Variants in SUV39H2 observed in about 807,000 individuals in gnomAD.
SUV39H2 encodes SUV39H2 histone lysine methyltransferase.
A neutral mutation model predicts 47.5 loss-of-function variants in SUV39H2; 10 were observed. That is an observed-to-expected ratio of 0.21 (90% CI 0.13 to 0.36). The LOEUF is 0.36. SUV39H2 is among the 10% of genes least tolerant of loss of function. The pLI, the probability that SUV39H2 is intolerant of heterozygous loss-of-function variation, is 1.00. For missense variants in SUV39H2, 266 were observed against 487.4 expected, an observed-to-expected ratio of 0.55 and a Z score of 4.28; for synonymous variants, 159 against 166.8, an observed-to-expected ratio of 0.95 and a Z score of 0.36.
rs901903508 is a variant in SUV39H2, at chr10:14,897,545, G to T, written c.849+28G>T. 9 of 1,482,912 alleles carry T rather than the reference G, an allele frequency of 6.1e-6. No homozygotes were observed. The African/African-American group carries it at 1.1e-4, about 18-fold the overall frequency. The allele number at this position is 1,482,912 out of a possible 1,614,324, so 91.9% of individuals were successfully genotyped here. On this transcript the variant is annotated intron_variant, in intron 3 of 5. Transcript: ENST00000354919. ...ATGTTTCATTTGCCACGTAGTAAAT[G>T]ATGGACATGCAAGGTTTATACTTTT...
intron 3 of SUV39H2, chr10:14,898,198 G>GTTTTTTTTTTT (rs1833728015): frequency 4.7e-5 from 3 of 64,396 alleles, no homozygotes; most frequent in African/African-American, 6.9e-5. Context: ...AGGTAGTACT[G>GTTTTTTTTTTT]TTTCTTTTTT....
At chr10:14,900,744 C>G (rs933118049) in intron 4 of SUV39H2, among the ~76,000 whole-genome samples, 4 of 151,954 alleles carry the variant, frequency 2.6e-5, no homozygotes, top group Non-Finnish European at 5.9e-5. Flanking sequence ...TTTTTAAACA[C>G]AGTTGTTCTA....
intron 2 of SUV39H2, among the ~76,000 whole-genome samples, chr10:14,892,448 C>T (rs1833417776): frequency 6.6e-6 from 1 of 152,158 alleles, no homozygotes; most frequent in South Asian, 2.1e-4. Context: ...TAGACAGATC[C>T]ATCTTTTCAC....
chr10:14,899,059 C>T lies in SUV39H2; in HGVS notation c.850-480C>T, dbSNP rs1201242733. Reference sequence around the variant, plus strand: ...TAAAAAGTCATAAATCAACCAGTTACAGTTAATCCCAGCACTTGGGGAGGT... The same window carrying T: ...TAAAAAGTCATAAATCAACCAGTTATAGTTAATCCCAGCACTTGGGGAGGT... On this transcript the variant is annotated intron_variant, in intron 3 of 5. Transcript: ENST00000354919. 3 of 593,378 alleles carry T rather than the reference C, an allele frequency of 5.1e-6. No homozygotes were observed. In the East Asian group the frequency reaches 8.3e-5, roughly 16 times the overall value. The allele number at this position is 593,378 out of a possible 1,614,324, so 36.8% of individuals were successfully genotyped here.
intron 1 of SUV39H2, among the ~76,000 whole-genome samples, chr10:14,881,046 G>C (rs1046072031): frequency 6.6e-6 from 1 of 152,102 alleles, no homozygotes; most frequent in South Asian, 2.1e-4. Flanking sequence ...TGAAAGTTAC[G>C]TGTTAACAAA....
chr10:14,893,423 T>A (rs1042956820), intron 2 of SUV39H2, among the ~76,000 whole-genome samples: 4 of 152,218 alleles, frequency 2.6e-5, no homozygotes, highest in African/African-American at 9.6e-5. Context: ...ATATGATGTA[T>A]TCCAAATTAC....
At chr10:14,892,194 G>T (rs1034662824) in intron 2 of SUV39H2, among the ~76,000 whole-genome samples, 1 of 152,100 alleles carries the variant, frequency 6.6e-6, no homozygotes, top group African/African-American at 2.4e-5. Flanking sequence ...ATAAGAGAAG[G>T]GCTGAAGAGT....
intron 4 of SUV39H2, 140 bp from the exon 5 acceptor site, chr10:14,900,993 C>G: frequency 9.0e-7 from 1 of 1,112,198 alleles, no homozygotes; most frequent in Non-Finnish European, 1.3e-6. Context: ...GTGCATGCCT[C>G]AAAGACCTCT....
chr10:14,885,775 A>G (rs1564335348), intron 2 of SUV39H2, among the ~76,000 whole-genome samples: 1 of 152,152 alleles, frequency 6.6e-6, no homozygotes, highest in Admixed American at 6.5e-5. Context: ...TTTCTTTTAC[A>G]AATTCAGAGT....
intron 1 of SUV39H2, among the ~76,000 whole-genome samples, chr10:14,880,275 G>C (rs1340745132): frequency 6.6e-6 from 1 of 152,180 alleles, no homozygotes; most frequent in Non-Finnish European, 1.5e-5. Context: ...TTATGCTTAA[G>C]GGTTTCTGAC....
chr10:14,888,408 G>A (rs1833280261), intron 2 of SUV39H2, among the ~76,000 whole-genome samples: 1 of 151,890 alleles, frequency 6.6e-6, no homozygotes, highest in South Asian at 2.1e-4. Flanking sequence ...GGCCGAGGCG[G>A]GCAGATCATG....
intron 2 of SUV39H2, among the ~76,000 whole-genome samples, chr10:14,893,821 A>G (rs537562262): frequency 6.6e-6 from 1 of 152,354 alleles, no homozygotes; most frequent in South Asian, 2.1e-4. Context: ...GTGATTCACT[A>G]AGATTAAATA....
chr10:14,882,864 GTT>G (rs869065558), intron 2 of SUV39H2, among the ~76,000 whole-genome samples: 18 of 137,012 alleles, frequency 1.3e-4, no homozygotes, highest in Admixed American at 2.9e-4. Context: ...CCCTATAGGA[GTT>G]TTTTTTTTTT....
At chr10:14,895,179 T>C (rs1019883496) in intron 2 of SUV39H2, among the ~76,000 whole-genome samples, 2 of 130,492 alleles carry the variant, frequency 1.5e-5, no homozygotes, top group African/African-American at 7.2e-5. Context: ...TTTTTACTTT[T>C]ATTTTTTTTT....
chr10:14,881,203 T>G (rs1280902662), intron 1 of SUV39H2, among the ~76,000 whole-genome samples: 1 of 152,220 alleles, frequency 6.6e-6, no homozygotes, highest in Admixed American at 6.5e-5. Flanking sequence ...CATCTGTATA[T>G]AATCTTAAAA....
chr10:14,896,981 A>G lies in SUV39H2; in HGVS notation c.313A>G (p.Lys105Glu), dbSNP rs1833645815. 4 of 1,614,018 alleles carry G rather than the reference A, an allele frequency of 2.5e-6. No homozygotes were observed. The African/African-American group carries it at 5.3e-5, about 22-fold the overall frequency. ...CAAGCATAATTATTTATCTCAGGTA[A>G]AGAAAGGCAAAGCAATAACTCCAAA... ...NDKHNYLSQV[K>E]KGKAITPKDN... The change falls in exon 3 of 6, where the codon AAG becomes GAG. Residue 105 changes from lysine to glutamate, a missense_variant. Lys to Glu is a moderately conservative substitution (Grantham distance 56). Around this residue, in one of 4 missense-constraint regions of SUV39H2, gnomAD observed 91 missense variants for 110.9 expected, o/e 0.82. Coordinates refer to ENST00000354919, the MANE Select transcript of SUV39H2 (RefSeq NM_001193424.2).
intron 2 of SUV39H2, among the ~76,000 whole-genome samples, chr10:14,882,329 G>A (rs1363545661): frequency 6.6e-6 from 1 of 152,128 alleles, no homozygotes; most frequent in African/African-American, 2.4e-5. Flanking sequence ...AAGTGAATCG[G>A]GAATCTTGTT....
intron 2 of SUV39H2, among the ~76,000 whole-genome samples, chr10:14,889,581 G>T (rs1225910955): frequency 7.2e-5 from 11 of 152,170 alleles, no homozygotes. Flanking sequence ...CTAGCTCCAT[G>T]GCCATGGAAG....
chr10:14,899,269 A>C (rs1833824490), intron 3 of SUV39H2: 2 of 702,296 alleles, frequency 2.8e-6, no homozygotes, highest in African/African-American at 3.5e-5. Context: ...ACAGGGAGTC[A>C]TGATGGCACC....
Sources: gnomAD v4.1 joint callset for allele counts (sites outside exome capture counted in the v4.1 genomes callset) on GRCh38, gnomAD v4.1.1 for gene constraint, gnomAD v4.1.1 regional missense constraint, MANE v1.5 for transcripts, NCBI Gene and HGNC (gene_info 2026-07-23, HGNC 2026-07-21) for gene names.